The following MNAT1 variants were observed in gnomAD, a reference collection of about 807,000 sequenced individuals.
MNAT1 encodes CDK-activating kinase assembly factor MAT1.
MNAT1 carries 43 observed loss-of-function variants against 42.0 expected under a neutral mutation model. That is an observed-to-expected ratio of 1.02 (90% CI 0.80 to 1.32). The LOEUF is 1.32. Among genes scored for constraint, MNAT1 ranks in the 40% most tolerant of loss-of-function variants. MNAT1 has a pLI of 0.00. For missense variants in MNAT1, 306 were observed against 350.4 expected (o/e 0.87, Z 1.01); for synonymous variants, 118 against 120.0 (o/e 0.98, Z 0.11).
chr14:60,892,316 G>A (rs560939388), intron 7 of MNAT1, among the ~76,000 whole-genome samples: 2 of 152,038 alleles, frequency 1.3e-5, no homozygotes, highest in African/African-American at 2.4e-5. Flanking sequence ...CTGTTATTAG[G>A]TAAGTAAATA....
intron 1 of MNAT1, among the ~76,000 whole-genome samples, 194 bp from the exon 2 acceptor site, chr14:60,796,023 C>T (rs2032006938): frequency 6.6e-6 from 1 of 152,150 alleles, no homozygotes. Context: ...ACTGGTATCA[C>T]TTGGGATACC....
chr14:60,908,958 A>G lies in MNAT1; in HGVS notation c.809+29123A>G, dbSNP rs1463484758. 4.6e-5 allele frequency among the ~76,000 whole-genome samples: 7 copies of G among 152,048 alleles called. No individual in the cohort carries two copies. The East Asian group carries it at 9.7e-4, about 21-fold the overall frequency. ...CCACCAACAGTGTAAAAGTGTTCCTATTTCTCCATATCCTCTCCAGCACCT... is the reference window on the plus strand; with the variant it reads ...CCACCAACAGTGTAAAAGTGTTCCTGTTTCTCCATATCCTCTCCAGCACCT... On this transcript the variant is annotated intron_variant, in intron 7 of 7. Transcript: ENST00000261245.
intron 4 of MNAT1, among the ~76,000 whole-genome samples, chr14:60,810,790 C>T (rs569674337): frequency 1.3e-5 from 2 of 152,192 alleles, no homozygotes; most frequent in Admixed American, 6.5e-5. Context: ...GTAGAAAGTT[C>T]TGTGTGTGCT....
At chr14:60,934,872 G>A (rs2035961923) in intron 7 of MNAT1, among the ~76,000 whole-genome samples, 1 of 152,206 alleles carries the variant, frequency 6.6e-6, no homozygotes, top group Non-Finnish European at 1.5e-5. Flanking sequence ...GGGAGGGGCA[G>A]AATGCCTCAC....
chr14:60,812,646 A>T (rs1237647706), intron 5 of MNAT1, among the ~76,000 whole-genome samples: 1 of 152,184 alleles, frequency 6.6e-6, no homozygotes, highest in Non-Finnish European at 1.5e-5. Context: ...TTGGTTTTCT[A>T]CACTGTCATG....
chr14:60,777,719 G>A lies in MNAT1; in HGVS notation c.90-18498G>A, dbSNP rs1006123926. Among the ~76,000 whole-genome samples the A allele has an allele frequency of 2.0e-5, 3 of 151,920 alleles. No individual in the cohort carries two copies. The East Asian group carries it at 5.8e-4, about 29-fold the overall frequency. On this transcript the variant is annotated intron_variant, in intron 1 of 7. Coordinates refer to ENST00000261245, the MANE Select transcript of MNAT1 (RefSeq NM_002431.4). ...TTATCTCTACACTGATACCTTTCAT[G>A]TTTACATCTTTGTTTACCATAGAGT... is the stretch of plus-strand genomic sequence containing the variant.
At chr14:60,793,043 G>A (rs975574325) in intron 1 of MNAT1, among the ~76,000 whole-genome samples, 7 of 150,510 alleles carry the variant, frequency 4.7e-5, no homozygotes, top group Non-Finnish European at 7.4e-5. Context: ...TTTTGAAACA[G>A]GGTCTTGCTC....
intron 6 of MNAT1, among the ~76,000 whole-genome samples, chr14:60,866,696 G>A (rs2139442259): frequency 6.6e-6 from 1 of 152,076 alleles, no homozygotes; most frequent in East Asian, 1.9e-4. Flanking sequence ...AGCCTTATTA[G>A]TTCTAAGCCA....
chr14:60,802,904 G>C (rs1012577365), intron 3 of MNAT1, among the ~76,000 whole-genome samples: 2 of 146,934 alleles, frequency 1.4e-5, no homozygotes, highest in Admixed American at 6.8e-5. Context: ...GTATGGCATT[G>C]TTCGGTTTGT....
intron 7 of MNAT1, among the ~76,000 whole-genome samples, chr14:60,936,493 G>A: frequency 6.7e-6 from 1 of 148,896 alleles, no homozygotes. Flanking sequence ...TTTTGTCCTT[G>A]CGATAGTTTG....
chr14:60,809,578 G>C (rs989250120), intron 4 of MNAT1, among the ~76,000 whole-genome samples: 2 of 152,024 alleles, frequency 1.3e-5, no homozygotes, highest in Non-Finnish European at 2.9e-5. Context: ...TCATGAAAGG[G>C]CGTTACATTT....
At chr14:60,772,451 G>A (rs138736784) in intron 1 of MNAT1, among the ~76,000 whole-genome samples, 14 of 152,228 alleles carry the variant, frequency 9.2e-5, no homozygotes, top group African/African-American at 3.1e-4. Context: ...CCGGTGTGGT[G>A]GCAGGTGCCT....
chr14:60,865,808 G>A (rs925425928), intron 6 of MNAT1, among the ~76,000 whole-genome samples: 8 of 152,048 alleles, frequency 5.3e-5, no homozygotes, highest in Non-Finnish European at 1.2e-4. Flanking sequence ...ATAAGTTAAT[G>A]AAAATAATGT....
chr14:60,816,216 T>G (rs1462360633), intron 5 of MNAT1, among the ~76,000 whole-genome samples: 1 of 152,156 alleles, frequency 6.6e-6, no homozygotes, highest in East Asian at 1.9e-4. Flanking sequence ...TATATTATAC[T>G]GTATGTGACG....
At chr14:60,768,897 G>A (rs573480311) in intron 1 of MNAT1, among the ~76,000 whole-genome samples, 1 of 152,214 alleles carries the variant, frequency 6.6e-6, no homozygotes, top group South Asian at 2.1e-4. Flanking sequence ...GTGGATGATG[G>A]CAACGCTATG....
intron 1 of MNAT1, among the ~76,000 whole-genome samples, chr14:60,766,820 T>C (rs1008663833): frequency 2.6e-5 from 4 of 152,226 alleles, no homozygotes; most frequent in African/African-American, 4.8e-5. Flanking sequence ...ATTAATATAA[T>C]TTAATTATTT....
chr14:60,772,838 T>C (rs1046355003), intron 1 of MNAT1, among the ~76,000 whole-genome samples: 1 of 151,434 alleles, frequency 6.6e-6, no homozygotes, highest in Non-Finnish European at 1.5e-5. Flanking sequence ...CCCAAGGCTT[T>C]GAGGTGTCTG....
At chr14:60,752,970 G>A (rs1334857923) in intron 1 of MNAT1, among the ~76,000 whole-genome samples, 1 of 152,118 alleles carries the variant, frequency 6.6e-6, no homozygotes, top group Non-Finnish European at 1.5e-5. Context: ...TTGCCATGTT[G>A]GCCAGGCTAG....
chr14:60,859,646 G>GA (rs1566798812), intron 6 of MNAT1, among the ~76,000 whole-genome samples: 1 of 152,064 alleles, frequency 6.6e-6, no homozygotes, highest in Admixed American at 6.6e-5. Context: ...TTTTGTTCAA[G>GA]AAAAAAAGTT....
Sources: gnomAD v4.1 joint callset for allele counts (sites outside exome capture counted in the v4.1 genomes callset) on GRCh38, gnomAD v4.1.1 for gene constraint, MANE v1.5 for transcripts, NCBI Gene and HGNC (gene_info 2026-07-23, HGNC 2026-07-21) for gene names.